NEBL: variants seen among roughly 807,000 people sequenced by gnomAD.
The protein encoded by NEBL is LIM and SH3 protein 2.
Under a neutral mutation model 140.2 loss-of-function variants are expected in NEBL, and 122 were observed. That is an observed-to-expected ratio of 0.87 (90% CI 0.75 to 1.01). The LOEUF (loss-of-function observed/expected upper bound fraction) is 1.01. Ranked by LOEUF, NEBL falls within the 50% of genes least tolerant of loss-of-function variation. The probability of loss-of-function intolerance (pLI) is 0.00; values close to 1 mark genes in which losing one functional copy is unlikely to be tolerated. For missense variants in NEBL, 1,365 were observed against 1,231.3 expected (o/e 1.11, Z -1.62); for synonymous variants, 436 against 398.9 (o/e 1.09, Z -1.11).
At chr10:21,157,813 T>G (rs2132144615) in intron 2 of NEBL, among the ~76,000 whole-genome samples, 1 of 152,232 alleles carries the variant, frequency 6.6e-6, no homozygotes, top group East Asian at 1.9e-4. Flanking sequence ...GCTGAGGTAA[T>G]CAAGTGAGAA....
intron 2 of NEBL, among the ~76,000 whole-genome samples, chr10:21,044,635 C>G (rs1191289210): frequency 1.3e-5 from 2 of 152,108 alleles, no homozygotes; most frequent in Non-Finnish European, 2.9e-5. Flanking sequence ...GATTTCCAAA[C>G]AAATCCATTT....
chr10:21,029,119 G>A (rs1235564456), intron 2 of NEBL: 4 of 1,266,816 alleles, frequency 3.2e-6, no homozygotes, highest in East Asian at 4.6e-5. Context: ...AGTCAGCTGG[G>A]CTGATGCAAC....
chr10:21,018,682 A>G (rs1838655594), intron 3 of NEBL, among the ~76,000 whole-genome samples: 1 of 152,256 alleles, frequency 6.6e-6, no homozygotes, highest in African/African-American at 2.4e-5. Context: ...GATTAGATAC[A>G]CCATCAAGGA....
intron 1 of NEBL, among the ~76,000 whole-genome samples, chr10:21,290,547 C>T (rs574459067): frequency 6.6e-6 from 1 of 152,308 alleles, no homozygotes; most frequent in East Asian, 1.9e-4. Flanking sequence ...AAAAATTAAC[C>T]ACCAGAGGAG....
intron 3 of NEBL, among the ~76,000 whole-genome samples, chr10:21,238,641 C>T (rs1481820570): frequency 1.4e-5 from 2 of 139,376 alleles, no homozygotes; most frequent in Admixed American, 1.6e-4. Context: ...ACCTGGGAGG[C>T]GGAGGTTGCA....
At chr10:20,959,043 C>T (rs938446154) in intron 4 of NEBL, among the ~76,000 whole-genome samples, 1 of 152,120 alleles carries the variant, frequency 6.6e-6, no homozygotes, top group Admixed American at 6.6e-5. Flanking sequence ...TTACCCAAAA[C>T]ACTTAGGAGT....
At chr10:20,987,560 TCCCACCA>T (rs1327070599) in intron 3 of NEBL, among the ~76,000 whole-genome samples, 2 of 152,136 alleles carry the variant, frequency 1.3e-5, no homozygotes, top group Non-Finnish European at 2.9e-5. Flanking sequence ...CAGCTCTGCC[TCCCACCA>T]CCAGAGCCAC....
intron 3 of NEBL, among the ~76,000 whole-genome samples, chr10:21,214,475 G>GCA (rs200586379): frequency 6.6e-6 from 1 of 151,180 alleles, no homozygotes; most frequent in African/African-American, 2.4e-5. Context: ...GCACACACAT[G>GCA]CACACACACG....
rs117523887 is a variant in NEBL, at chr10:21,020,384, T to C, written c.165-183A>G. On this transcript the variant is annotated intron_variant, in intron 2 of 6. Coordinates refer to the NEBL transcript ENST00000417816. Reference sequence around the variant, plus strand: ...ACCTCATCCCATTCTCATGGCTCTGTCGCCCAGACATCCTCACTCTCTCCC... The same window carrying C: ...ACCTCATCCCATTCTCATGGCTCTGCCGCCCAGACATCCTCACTCTCTCCC... 3.9e-5 allele frequency among the ~76,000 whole-genome samples: 6 copies of C among 152,236 alleles called. No individual in the cohort carries two copies. The East Asian group carries it at 9.7e-4, about 25-fold the overall frequency.
intron 4 of NEBL, among the ~76,000 whole-genome samples, chr10:20,922,220 A>G (rs536675432): frequency 1.8e-4 from 27 of 152,332 alleles, no homozygotes; most frequent in South Asian, 6.2e-4. Flanking sequence ...ACTCTGGCTG[A>G]GAATTAAATG....
intron 3 of NEBL, among the ~76,000 whole-genome samples, chr10:21,011,033 G>GA (rs1838319009): frequency 6.6e-6 from 1 of 152,038 alleles, no homozygotes; most frequent in African/African-American, 2.4e-5. Context: ...TGGCAGAAAA[G>GA]AAAAAATAAT....
At chr10:20,808,863 T>C (rs1212981762) in intron 25 of NEBL, among the ~76,000 whole-genome samples, 1 of 152,228 alleles carries the variant, frequency 6.6e-6, no homozygotes, top group Non-Finnish European at 1.5e-5. Context: ...TTTTATGCTC[T>C]TTTAAGTCTC....
chr10:21,034,904 C>A (rs771252073), intron 2 of NEBL, among the ~76,000 whole-genome samples: 2 of 152,042 alleles, frequency 1.3e-5, no homozygotes, highest in African/African-American at 2.4e-5. Flanking sequence ...GTCAACCCAT[C>A]ACCTAGGTGT....
intron 3 of NEBL, among the ~76,000 whole-genome samples, chr10:21,185,789 C>T (rs114808448): frequency 2.1e-3 from 318 of 152,258 alleles, no homozygotes; most frequent in African/African-American, 6.7e-3. Flanking sequence ...TGACCCACTG[C>T]GCCCTACCTC....
intron 2 of NEBL, among the ~76,000 whole-genome samples, chr10:21,092,162 G>A (rs909610725): frequency 6.6e-6 from 1 of 152,182 alleles, no homozygotes; most frequent in Non-Finnish European, 1.5e-5. Context: ...GTCGTTATGT[G>A]CTATCACTAC....
At chr10:20,826,420 A>G in intron 18 of NEBL, 27 bp downstream of exon 18, 1 of 1,556,754 alleles carries the variant, frequency 6.4e-7, no homozygotes, top group Non-Finnish European at 8.9e-7. Flanking sequence ...CTTTTAGAAA[A>G]GATAATTAAT....
At chr10:21,018,774 A>C (rs1286010619) in intron 3 of NEBL, among the ~76,000 whole-genome samples, 1 of 152,186 alleles carries the variant, frequency 6.6e-6, no homozygotes, top group Non-Finnish European at 1.5e-5. Flanking sequence ...CTCACGCTGT[A>C]ATCCCAGCAC....
At chr10:20,987,963 T>C (rs1226701368) in intron 3 of NEBL, among the ~76,000 whole-genome samples, 1 of 152,206 alleles carries the variant, frequency 6.6e-6, no homozygotes, top group African/African-American at 2.4e-5. Context: ...GTTACTTCCT[T>C]ATGAGATGAT....
At chr10:21,216,568 C>T (rs1354544158) in intron 3 of NEBL, among the ~76,000 whole-genome samples, 4 of 151,950 alleles carry the variant, frequency 2.6e-5, no homozygotes, top group African/African-American at 7.3e-5. Context: ...GTCAGGAGTT[C>T]GATACCAGCC....
Sources: allele counts gnomAD v4.1 joint callset (sites outside exome capture counted in the v4.1 genomes callset), GRCh38; gene constraint gnomAD v4.1.1; transcripts MANE v1.5; gene names NCBI Gene and HGNC (gene_info 2026-07-23, HGNC 2026-07-21).